DNAH8: variants seen among roughly 807,000 people sequenced by gnomAD.
DNAH8 encodes the protein axonemal beta dynein heavy chain 8.
A neutral mutation model predicts 562.1 loss-of-function variants in DNAH8; 382 were observed. The ratio of observed to expected loss-of-function variants is 0.68; its 90% CI spans 0.63 to 0.74. The LOEUF is 0.74. Among genes scored for constraint, DNAH8 ranks in the 30% least tolerant of loss-of-function variants. The pLI, the probability that DNAH8 is intolerant of heterozygous loss-of-function variation, is 0.00. For missense variants in DNAH8, 5,203 were observed against 5,620.4 expected, an observed-to-expected ratio of 0.93 and a Z score of 2.37; for synonymous variants, 1,881 against 1,919.4, an observed-to-expected ratio of 0.98 and a Z score of 0.52.
chr6:39,001,370 C>G (rs1172428631), intron 88 of DNAH8, among the ~76,000 whole-genome samples: 2 of 151,942 alleles, frequency 1.3e-5, no homozygotes, highest in Non-Finnish European at 2.9e-5. Flanking sequence ...TACAGAATGA[C>G]AAGTACAACA....
rs1300701455 is a variant in DNAH8, at chr6:38,787,052, T to C, written c.2583+100T>C. 3 of 632,268 alleles carry C rather than the reference T, an allele frequency of 4.7e-6. No homozygotes were observed. In the East Asian group the frequency reaches 1.1e-4, roughly 22 times the overall value. The allele number at this position is 632,268 out of a possible 1,614,324, so 39.2% of individuals were successfully genotyped here. The stretch of plus-strand genomic sequence containing the variant: ...ATCCCTGCAGTTATGCTTCATGGCA[T>C]TGAGGGAAAATTTGTTAATATGTTG... On this transcript the variant is annotated intron_variant, in intron 18 of 92. Transcript: ENST00000327475.
intron 29 of DNAH8, 36 bp from the exon 30 acceptor site, chr6:38,828,148 C>T (rs754968795): frequency 2.2e-6 from 3 of 1,372,454 alleles, no homozygotes; most frequent in African/African-American, 2.9e-5. Flanking sequence ...ATGGCTTTCC[C>T]TTGTGATATT....
At position 39,008,593 on chromosome 6, in the gene DNAH8, T is replaced by A. The variant is rs79203685; in HGVS notation, c.13215-221T>A. Among the ~76,000 whole-genome samples the A allele has an allele frequency of 0.097, 14,697 of 150,830 alleles. 854 individuals carry two copies. Among genetic ancestry groups the A allele is most frequent in the Admixed American group, 0.19 (2,820 of 15,078 alleles). On this transcript the variant is annotated intron_variant, in intron 88 of 92. Transcript: ENST00000327475. ...GGTCTCTTTCCTTGAAGATGGAGAG[T>A]GTTTCATTTCAGTGATGTTCTTGAT... is the stretch of plus-strand genomic sequence containing the variant.
chr6:38,901,284 A>G (rs1309366198), intron 62 of DNAH8, among the ~76,000 whole-genome samples: 2 of 152,116 alleles, frequency 1.3e-5, no homozygotes, highest in Admixed American at 6.5e-5. Flanking sequence ...ATATTTTCCT[A>G]TGATTTTCTT....
chr6:38,906,237 A>G lies in DNAH8; in HGVS notation c.9195-17A>G, dbSNP rs1780469335. On this transcript the variant is annotated splice_polypyrimidine_tract_variant and intron_variant, in intron 62 of 92. Coordinates refer to ENST00000327475, the MANE Select transcript of DNAH8 (RefSeq NM_001206927.2). The stretch of plus-strand genomic sequence containing the variant: ...TATATTTTTTAATCTAAAACTTTCT[A>G]TCATTTTTCTTCTTAGGTCTTACAA... 6.6e-7 allele frequency: 1 copy of G among 1,522,896 alleles called. No homozygotes were observed. The highest frequency in any genetic ancestry group is 1.2e-5 in the South Asian group (1 of 84,918). The allele number at this position is 1,522,896 out of a possible 1,614,324, so 94.3% of individuals were successfully genotyped here. A position where few individuals can be genotyped will look rare whatever the true frequency, so the allele number is the denominator to read the frequency against.
rs1781931986 is a variant in DNAH8, at chr6:38,924,163, G to GT, written c.10962+2dup. On this transcript the variant is annotated splice_donor_variant, in intron 73 of 92. Transcript: ENST00000327475. LOFTEE classifies it high-confidence loss of function. Reference sequence around the variant, plus strand: ...TTCAATGTTGGTGGATCCTCCAACTGTAAGTTTTACTTTCCCAATGTTATT... The same window carrying GT: ...TTCAATGTTGGTGGATCCTCCAACTGTTAAGTTTTACTTTCCCAATGTTATT... The GT allele has an allele frequency of 6.2e-7, 1 of 1,612,238 alleles. No individual in the cohort carries two copies. The highest frequency in any genetic ancestry group is 8.5e-7 in the Non-Finnish European group (1 of 1,178,916).
At chr6:38,843,476 T>C (rs1431289868) in intron 35 of DNAH8, among the ~76,000 whole-genome samples, 1 of 152,132 alleles carries the variant, frequency 6.6e-6, no homozygotes, top group African/African-American at 2.4e-5. Flanking sequence ...TCTTCGCTTA[T>C]CTCTTTGAGC....
chr6:38,869,789 T>C (rs983034516), intron 48 of DNAH8, among the ~76,000 whole-genome samples: 2 of 152,204 alleles, frequency 1.3e-5, no homozygotes, highest in African/African-American at 4.8e-5. Flanking sequence ...CAAAGATTCA[T>C]GTGATAAAGT....
chr6:38,916,623 TG>T (rs1310746778), intron 68 of DNAH8, among the ~76,000 whole-genome samples: 1 of 152,166 alleles, frequency 6.6e-6, no homozygotes, highest in Non-Finnish European at 1.5e-5. Flanking sequence ...ACTTCCTTTA[TG>T]GGTCTTACTG....
intron 89 of DNAH8, among the ~76,000 whole-genome samples, chr6:39,010,818 C>CGTATGTATGT (rs70984104): frequency 3.2e-4 from 34 of 107,544 alleles, no homozygotes; most frequent in East Asian, 1.6e-3. Context: ...CACACACACA[C>CGTATGTATGT]ACGTATGTAT....
intron 21 of DNAH8, among the ~76,000 whole-genome samples, chr6:38,795,586 A>C (rs1366052319): frequency 2.0e-5 from 3 of 151,936 alleles, no homozygotes; most frequent in Non-Finnish European, 4.4e-5. Context: ...TCTCAGAAAA[A>C]AAAAAAAAAG....
chr6:38,837,847 A>G, intron 32 of DNAH8, 95 bp from the exon 33 acceptor site: 1 of 858,536 alleles, frequency 1.2e-6, no homozygotes, highest in East Asian at 2.7e-5. Flanking sequence ...TACTTAATAA[A>G]CCTCAACCTA....
rs1763110135 is a variant in DNAH8, at chr6:38,725,251, C to G, written c.525+1780C>G. Reference sequence around the variant, plus strand: ...CTGGGAGGCAGAGGTTGCAGTGAGCCGAGACTGTACCACTGCACTCCATCC... The same window carrying G: ...CTGGGAGGCAGAGGTTGCAGTGAGCGGAGACTGTACCACTGCACTCCATCC... On this transcript the variant is annotated intron_variant, in intron 3 of 92. Coordinates refer to ENST00000327475, the MANE Select transcript of DNAH8 (RefSeq NM_001206927.2). Among the ~76,000 whole-genome samples, 3 of 149,462 alleles carry G rather than the reference C, an allele frequency of 2.0e-5. No homozygotes were observed. The South Asian group carries it at 6.4e-4, about 32-fold the overall frequency.
At chr6:38,838,245 T>TATGTTGCTAAAATTTTGAGC (rs1774464137) in intron 33 of DNAH8, among the ~76,000 whole-genome samples, 1 of 152,136 alleles carries the variant, frequency 6.6e-6, no homozygotes, top group Admixed American at 6.5e-5. Flanking sequence ...GAGTAAAAAA[T>TATGTTGCTAAAATTTTGAGC]ATGTTGCTAA....
chr6:38,909,426 G>A, intron 64 of DNAH8, 92 bp from the exon 65 acceptor site: 2 of 1,124,004 alleles, frequency 1.8e-6, no homozygotes. Flanking sequence ...AATCTGTGAT[G>A]TCACACTCTT....
At chr6:38,780,686 A>G (rs1768496485) in intron 15 of DNAH8, among the ~76,000 whole-genome samples, 1 of 152,152 alleles carries the variant, frequency 6.6e-6, no homozygotes, top group South Asian at 2.1e-4. Flanking sequence ...ACTGGGGCCT[A>G]CTGGAGGGTG....
intron 88 of DNAH8, among the ~76,000 whole-genome samples, chr6:38,991,784 C>T (rs1764807496): frequency 1.3e-5 from 2 of 152,204 alleles, no homozygotes; most frequent in South Asian, 4.1e-4. Context: ...AACCTCCCTC[C>T]TCCTAGATAT....
intron 88 of DNAH8, among the ~76,000 whole-genome samples, chr6:38,993,509 C>G (rs759874493): frequency 1.8e-4 from 28 of 152,138 alleles, no homozygotes; most frequent in Non-Finnish European, 3.2e-4. Flanking sequence ...AAAGTTACAA[C>G]TTTAAGTTGT....
chr6:38,929,774 T>C, intron 75 of DNAH8, 108 bp downstream of exon 75: 2 of 1,068,222 alleles, frequency 1.9e-6, no homozygotes, highest in Non-Finnish European at 2.5e-6. Context: ...TGACATCTAC[T>C]TATCTTATTG....
Sources: gnomAD v4.1 joint callset for allele counts (sites outside exome capture counted in the v4.1 genomes callset) on GRCh38, gnomAD v4.1.1 for gene constraint, MANE v1.5 for transcripts, NCBI Gene and HGNC (gene_info 2026-07-23, HGNC 2026-07-21) for gene names.